Variants in SPECC1 observed in about 807,000 individuals in gnomAD.
SPECC1 encodes the protein cytospin-B.
A neutral mutation model predicts 104.1 loss-of-function variants in SPECC1; 62 were observed. That is an observed-to-expected ratio of 0.60 (90% confidence interval 0.49 to 0.74). The LOEUF is 0.74. Among genes scored for constraint, SPECC1 ranks in the 30% least tolerant of loss-of-function variants. The probability of loss-of-function intolerance (pLI) is 0.00; values close to 1 mark genes in which losing one functional copy is unlikely to be tolerated. For missense variants in SPECC1, 1,306 were observed against 1,310.5 expected, an observed-to-expected ratio of 1.00 and a Z score of 0.05; for synonymous variants, 513 against 501.6, an observed-to-expected ratio of 1.02 and a Z score of -0.30.
chr17:20,052,712 A>G (rs2045821031), intron 1 of SPECC1, among the ~76,000 whole-genome samples: 1 of 152,212 alleles, frequency 6.6e-6, no homozygotes, highest in Admixed American at 6.5e-5. Flanking sequence ...ACACTATCCA[A>G]GGAAGGAGCA....
At chr17:20,097,423 C>G (rs1266801820) in intron 2 of SPECC1, among the ~76,000 whole-genome samples, 1 of 152,212 alleles carries the variant, frequency 6.6e-6, no homozygotes, top group African/African-American at 2.4e-5. Context: ...TTAGAAAAGT[C>G]AATATGATCT....
At chr17:20,116,125 T>C (rs1019198557) in intron 3 of SPECC1, among the ~76,000 whole-genome samples, 3 of 152,102 alleles carry the variant, frequency 2.0e-5, no homozygotes, top group Non-Finnish European at 2.9e-5. Context: ...TCTCGGTCTG[T>C]CGCCCAGGCT....
intron 1 of SPECC1, among the ~76,000 whole-genome samples, chr17:20,036,863 G>A (rs1487907637): frequency 1.3e-5 from 2 of 152,216 alleles, no homozygotes; most frequent in African/African-American, 4.8e-5. Context: ...AGCAATGAGA[G>A]TGAACATCCT....
chr17:20,112,037 G>T (rs957485018), intron 3 of SPECC1: 2 of 768,648 alleles, frequency 2.6e-6, no homozygotes, highest in African/African-American at 1.7e-5. Context: ...GCCATTTATT[G>T]ATCCTGACAG....
At chr17:20,069,518 G>A (rs1481533955) in intron 1 of SPECC1, among the ~76,000 whole-genome samples, 1 of 152,106 alleles carries the variant, frequency 6.6e-6, no homozygotes. Context: ...TTTGTGTATA[G>A]TATGAGGTAG....
intron 2 of SPECC1, among the ~76,000 whole-genome samples, chr17:20,098,665 C>T (rs940354791): frequency 9.2e-5 from 14 of 152,306 alleles, no homozygotes; most frequent in Middle Eastern, 3.4e-3. Flanking sequence ...TGCACTCCTG[C>T]GGCAGTGTGT....
At chr17:20,056,266 C>G (rs2045959123) in intron 1 of SPECC1, 1 of 157,594 alleles carries the variant, frequency 6.3e-6, no homozygotes, top group African/African-American at 2.4e-5. Flanking sequence ...TTGGTACAGC[C>G]TGCCAGGAGC....
chr17:20,120,706 TATTAA>T (rs2048985829), intron 3 of SPECC1, among the ~76,000 whole-genome samples: 2 of 152,200 alleles, frequency 1.3e-5, no homozygotes, highest in Non-Finnish European at 2.9e-5. Context: ...ATTTCAATTG[TATTAA>T]TTTTGAGAAA....
Position 20,204,885 on chromosome 17 carries a change from T to C in SPECC1, c.836T>C (p.Ile279Thr), listed in dbSNP as rs752030151. Residue 279 changes from isoleucine (I) to threonine (T), a missense_variant, in exon 4 of 15, where the codon ATA becomes ACA. Ile to Thr is a moderately conservative substitution (Grantham distance 89). This residue lies in a region of SPECC1 where 1,177 missense variants were observed against 1,139.9 expected (regional missense o/e 1.03). Coordinates refer to ENST00000395527, the MANE Select transcript of SPECC1 (RefSeq NM_001243439.2). ...GGCGACAGCAGCTGCCCAACATCCA[T>C]AACTCAAGAGTCAAGCTTCGGAAGC... ...HTGDSSCPTS[I>T]TQESSFGSPT... 1 of 1,613,936 alleles carries C rather than the reference T, an allele frequency of 6.2e-7. No homozygotes were observed. Among genetic ancestry groups the C allele is most frequent in the Admixed American group, 1.7e-5 (1 of 60,006 alleles).
intron 1 of SPECC1, among the ~76,000 whole-genome samples, chr17:20,016,686 G>A (rs1254410469): frequency 4.6e-5 from 7 of 152,228 alleles, no homozygotes; most frequent in South Asian, 2.1e-4. Context: ...CATGACCTGC[G>A]GCCCGCCATG....
chr17:20,297,802 G>A (rs546196414), intron 13 of SPECC1, among the ~76,000 whole-genome samples: 2 of 152,202 alleles, frequency 1.3e-5, no homozygotes, highest in Non-Finnish European at 2.9e-5. Flanking sequence ...GGAAAATACT[G>A]TGCTGGGTCC....
At chr17:20,180,632 G>A (rs1202629234) in intron 3 of SPECC1, among the ~76,000 whole-genome samples, 1 of 152,240 alleles carries the variant, frequency 6.6e-6, no homozygotes, top group Non-Finnish European at 1.5e-5. Context: ...ACCAGGGATG[G>A]TGGGAATTGC....
At chr17:20,245,793 C>G (rs2039397086) in intron 7 of SPECC1, 133 bp from the exon 8 acceptor site, 1 of 1,049,788 alleles carries the variant, frequency 9.5e-7, no homozygotes, top group African/African-American at 1.6e-5. Context: ...GTAGAGAAAA[C>G]AGGATGTTAA....
chr17:20,279,395 T>G (rs2040687662), intron 12 of SPECC1, among the ~76,000 whole-genome samples: 1 of 149,234 alleles, frequency 6.7e-6, no homozygotes. Context: ...CGATCTCAGC[T>G]CACTGCAACC....
intron 4 of SPECC1, among the ~76,000 whole-genome samples, chr17:20,209,359 A>T (rs930120863): frequency 6.6e-6 from 1 of 152,218 alleles, no homozygotes; most frequent in Non-Finnish European, 1.5e-5. Flanking sequence ...AGTGGTGCCA[A>T]ACCATCCTAT....
chr17:20,089,168 TGGG>T (rs1390895341), intron 1 of SPECC1, among the ~76,000 whole-genome samples: 1 of 152,208 alleles, frequency 6.6e-6, no homozygotes, highest in African/African-American at 2.4e-5. Flanking sequence ...AGGGTCCCGT[TGGG>T]GGAGTTAGCA....
chr17:20,060,527 AC>A (rs1343450179), intron 1 of SPECC1, among the ~76,000 whole-genome samples: 5 of 151,904 alleles, frequency 3.3e-5, no homozygotes, highest in Non-Finnish European at 7.4e-5. Flanking sequence ...AAACAAAAAA[AC>A]AATAGAGGAC....
chr17:20,010,920 G>A (rs1007768681), intron 1 of SPECC1, among the ~76,000 whole-genome samples: 57 of 152,182 alleles, frequency 3.7e-4, no homozygotes, highest in African/African-American at 1.3e-3. Context: ...CTTTTGTGTA[G>A]CATGCATTGA....
chr17:20,190,977 G>C (rs934995593), intron 3 of SPECC1, among the ~76,000 whole-genome samples: 4 of 152,114 alleles, frequency 2.6e-5, no homozygotes, highest in African/African-American at 7.2e-5. Flanking sequence ...GTCTTTTGCA[G>C]AATGTCATAG....
Sources: gnomAD v4.1 joint callset for allele counts (sites outside exome capture counted in the v4.1 genomes callset) on GRCh38, gnomAD v4.1.1 for gene constraint, gnomAD v4.1.1 regional missense constraint, MANE v1.5 for transcripts, NCBI Gene and HGNC (gene_info 2026-07-23, HGNC 2026-07-21) for gene names.